TCF7L2: variants seen among roughly 807,000 people sequenced by gnomAD.
The protein encoded by TCF7L2 is transcription factor 7-like 2.
TCF7L2 carries 23 observed loss-of-function variants against 77.9 expected under a neutral mutation model. The ratio of observed to expected loss-of-function variants is 0.30; its 90% CI spans 0.21 to 0.42. TCF7L2 has a LOEUF of 0.42. Ranked by LOEUF, TCF7L2 falls within the 10% of genes least tolerant of loss-of-function variation. TCF7L2 has a pLI of 1.00. For synonymous variants in TCF7L2, 413 were observed against 340.2 expected, an observed-to-expected ratio of 1.21 and a Z score of -2.36; for missense variants, 654 against 793.1, an observed-to-expected ratio of 0.82 and a Z score of 2.11.
intron 3 of TCF7L2, among the ~76,000 whole-genome samples, chr10:112,962,744 G>A (rs1442874174): frequency 4.6e-5 from 7 of 152,054 alleles, no homozygotes; most frequent in South Asian, 2.1e-4. Context: ...GACTATAGGC[G>A]CCCGCCACCA....
At chr10:113,036,665 C>CTTCTTTCT (rs71489996) in intron 4 of TCF7L2, among the ~76,000 whole-genome samples, 9,137 of 150,880 alleles carry the variant, frequency 0.061, 305 homozygotes, top group African/African-American at 0.077. Context: ...CCAAGATGGC[C>CTTCTTTCT]TTCTTTCTTT....
chr10:113,118,107 G>A (rs1026153410), intron 5 of TCF7L2, among the ~76,000 whole-genome samples: 3 of 152,122 alleles, frequency 2.0e-5, no homozygotes, highest in African/African-American at 4.8e-5. Flanking sequence ...CCCAGCAGAC[G>A]GGGTCGAGAA....
intron 4 of TCF7L2, among the ~76,000 whole-genome samples, chr10:113,036,895 C>T (rs1183124390): frequency 6.6e-6 from 1 of 151,954 alleles, no homozygotes; most frequent in East Asian, 1.9e-4. Flanking sequence ...TTTTCCCTCC[C>T]CCAAAAGGAT....
intron 8 of TCF7L2, among the ~76,000 whole-genome samples, chr10:113,147,815 T>C (rs1221586688): frequency 1.3e-5 from 2 of 152,112 alleles, no homozygotes; most frequent in African/African-American, 4.8e-5. Context: ...AGCTGATCGA[T>C]TGAATTATCA....
At chr10:113,016,591 G>A (rs1290646433) in intron 4 of TCF7L2, among the ~76,000 whole-genome samples, 1 of 152,022 alleles carries the variant, frequency 6.6e-6, no homozygotes, top group East Asian at 1.9e-4. Context: ...GGCAGAGCCT[G>A]GAGACAGAGT....
intron 5 of TCF7L2, among the ~76,000 whole-genome samples, chr10:113,096,530 C>T (rs2060988641): frequency 1.3e-5 from 2 of 152,128 alleles, no homozygotes; most frequent in South Asian, 4.1e-4. Flanking sequence ...TGTCACGTCT[C>T]TGAAAGGCCA....
chr10:113,128,548 T>G (rs912110257), intron 5 of TCF7L2, among the ~76,000 whole-genome samples: 1 of 152,180 alleles, frequency 6.6e-6, no homozygotes, highest in Non-Finnish European at 1.5e-5. Flanking sequence ...GCCACTGGTC[T>G]TGCTTCAAGC....
chr10:113,165,467 G>T, intron 13 of TCF7L2, 88 bp from the exon 15 acceptor site: 1 of 1,425,452 alleles, frequency 7.0e-7, no homozygotes, highest in Non-Finnish European at 9.7e-7. Context: ...TCCCTTAGGT[G>T]ACCTCAGCTT....
intron 7 of TCF7L2, among the ~76,000 whole-genome samples, chr10:113,144,567 C>T (rs532593949): frequency 6.6e-6 from 1 of 152,322 alleles, no homozygotes; most frequent in African/African-American, 2.4e-5. Flanking sequence ...CTGAACATTA[C>T]TCCCAAGGTT....
chr10:112,957,430 A>G (rs7909016), intron 3 of TCF7L2, among the ~76,000 whole-genome samples: 55,301 of 151,358 alleles, frequency 0.37, 11,543 homozygotes, highest in African/African-American at 0.58. Flanking sequence ...AGGTGAGGGG[A>G]AAAAAAATCC....
chr10:113,039,357 A>G (rs576795576), intron 4 of TCF7L2, among the ~76,000 whole-genome samples: 25 of 152,184 alleles, frequency 1.6e-4, no homozygotes, highest in Non-Finnish European at 3.2e-4. Context: ...TTTTATCTCT[A>G]TGGTAAACCT....
At chr10:113,109,289 C>T (rs181888753) in intron 5 of TCF7L2, among the ~76,000 whole-genome samples, 6 of 152,312 alleles carry the variant, frequency 3.9e-5, no homozygotes, top group Non-Finnish European at 8.8e-5. Flanking sequence ...CTTGGGGAAA[C>T]AATTTTATTC....
chr10:113,066,178 CA>C (rs753858409), intron 5 of TCF7L2, among the ~76,000 whole-genome samples: 2 of 152,072 alleles, frequency 1.3e-5, no homozygotes, highest in Non-Finnish European at 2.9e-5. Flanking sequence ...GCCTGGCTAA[CA>C]TGGTGAAACC....
chr10:113,025,776 G>A (rs190546148), intron 4 of TCF7L2, among the ~76,000 whole-genome samples: 30 of 152,222 alleles, frequency 2.0e-4, no homozygotes, highest in African/African-American at 6.7e-4. Flanking sequence ...ATCTGGAGGC[G>A]TAGAGAGGTA....
At chr10:113,130,771 A>ATTT (rs2066459986) in intron 5 of TCF7L2, among the ~76,000 whole-genome samples, 1 of 150,934 alleles carries the variant, frequency 6.6e-6, no homozygotes, top group Non-Finnish European at 1.5e-5. Context: ...TATTATTATT[A>ATTT]TTATTATTTT....
intron 4 of TCF7L2, among the ~76,000 whole-genome samples, chr10:112,985,184 G>A (rs1486505189): frequency 6.6e-6 from 1 of 152,122 alleles, no homozygotes; most frequent in Non-Finnish European, 1.5e-5. Context: ...TGTTGCTGGG[G>A]TACTTTGGTT....
chr10:113,096,945 C>T (rs1178159236), intron 5 of TCF7L2, among the ~76,000 whole-genome samples: 2 of 152,184 alleles, frequency 1.3e-5, no homozygotes, highest in African/African-American at 4.8e-5. Context: ...TGGGACCCCC[C>T]TGCTCGGCTT....
intron 7 of TCF7L2, 75 bp downstream of exon 7, chr10:113,144,100 CTGTGTGTGTGTG>C (rs3830991): frequency 0.014 from 9,298 of 650,346 alleles, 13 homozygotes; most frequent in Middle Eastern, 0.027. Flanking sequence ...GTGTGTGTGT[CTGTGTGTGTGTG>C]TGTGTGTGTG....
intron 4 of TCF7L2, among the ~76,000 whole-genome samples, chr10:112,984,019 C>T (rs1165153780): frequency 6.6e-6 from 1 of 152,236 alleles, no homozygotes; most frequent in African/African-American, 2.4e-5. Context: ...GTTTTCTTTA[C>T]ACCTTCTGAT....
Sources: gnomAD v4.1 joint callset for allele counts (sites outside exome capture counted in the v4.1 genomes callset) on GRCh38, gnomAD v4.1.1 for gene constraint, MANE v1.5 for transcripts, NCBI Gene and HGNC (gene_info 2026-07-23, HGNC 2026-07-21) for gene names.